The following MTMR3 variants were observed in gnomAD, a reference collection of about 807,000 sequenced individuals.
The protein encoded by MTMR3 is phosphatidylinositol-3,5-bisphosphate 3-phosphatase MTMR3.
MTMR3 carries 32 observed loss-of-function variants against 132.4 expected under a neutral mutation model. That is an observed-to-expected ratio of 0.24 (90% CI 0.18 to 0.32). MTMR3 has a LOEUF of 0.32. Among genes scored for constraint, MTMR3 ranks in the 10% least tolerant of loss-of-function variants. MTMR3 has a pLI of 1.00. For missense variants in MTMR3, 1,216 were observed against 1,489.6 expected (o/e 0.82, Z 3.02); for synonymous variants, 556 against 550.3 (o/e 1.01, Z -0.14).
intron 2 of MTMR3, among the ~76,000 whole-genome samples, chr22:29,965,615 G>T (rs1169316616): frequency 6.6e-6 from 1 of 152,204 alleles, no homozygotes; most frequent in East Asian, 1.9e-4. Context: ...AATCCGGGAG[G>T]CAGAGGTTGC....
chr22:30,022,189 G>T, intron 18 of MTMR3, 50 bp downstream of exon 18: 2 of 1,456,486 alleles, frequency 1.4e-6, no homozygotes, highest in South Asian at 2.3e-5. Context: ...CTGTTTTGTG[G>T]TTCTTCTCCA....
intron 1 of MTMR3, among the ~76,000 whole-genome samples, chr22:29,956,209 A>T (rs2066186583): frequency 6.6e-6 from 1 of 152,152 alleles, no homozygotes; most frequent in Non-Finnish European, 1.5e-5. Context: ...GTCTCTGTAA[A>T]GTTCAGATTG....
chr22:29,965,560 C>T (rs1752317662), intron 2 of MTMR3, among the ~76,000 whole-genome samples: 1 of 152,138 alleles, frequency 6.6e-6, no homozygotes, highest in Non-Finnish European at 1.5e-5. Context: ...TGGCATATGC[C>T]TGTAATCCCA....
chr22:30,019,034 A>C (rs12158102), intron 16 of MTMR3: 3,227 of 155,746 alleles, frequency 0.021, 126 homozygotes, highest in African/African-American at 0.075. Flanking sequence ...TGAAACACCC[A>C]TCTCTACTAA....
intron 1 of MTMR3, among the ~76,000 whole-genome samples, chr22:29,955,582 G>A (rs5752986): frequency 0.8 from 122,036 of 152,102 alleles, 49,699 homozygotes; most frequent in African/African-American, 0.95. Context: ...ATGAGTAGCT[G>A]TTTTCATTGT....
chr22:29,946,480 C>G (rs2065955973), intron 1 of MTMR3, among the ~76,000 whole-genome samples: 1 of 152,168 alleles, frequency 6.6e-6, no homozygotes, highest in Non-Finnish European at 1.5e-5. Context: ...GATCCTGTTG[C>G]ATGTGCACCA....
At chr22:29,912,745 A>G (rs1286114385) in intron 1 of MTMR3, among the ~76,000 whole-genome samples, 1 of 152,222 alleles carries the variant, frequency 6.6e-6, no homozygotes, top group Non-Finnish European at 1.5e-5. Context: ...TAGGAGCTGC[A>G]GAGAATATGA....
intron 1 of MTMR3, among the ~76,000 whole-genome samples, chr22:29,907,787 T>G (rs1293412043): frequency 6.2e-4 from 95 of 152,316 alleles, no homozygotes; most frequent in African/African-American, 2.2e-3. Flanking sequence ...TGTATCTGTA[T>G]CTTTTTTTTT....
At position 29,988,734 on chromosome 22, in the gene MTMR3, A is replaced by G. The variant is rs1481054609; in HGVS notation, c.293+172A>G. On this transcript the variant is annotated intron_variant, in intron 6 of 19. Transcript: ENST00000401950. ...TTATCTGTAGGATGTATACTTTGCT[A>G]TGTTGAAAGATGTTTTTTTTTTTTA... is the stretch of plus-strand genomic sequence containing the variant. 2.2e-5 allele frequency: 8 copies of G among 371,588 alleles called. No homozygotes were observed. The Admixed American group carries it at 2.7e-4, about 13-fold the overall frequency. The allele number at this position is 371,588 out of a possible 1,614,324, so 23.0% of individuals were successfully genotyped here.
chr22:30,019,187 AGT>A (rs1491025886), intron 16 of MTMR3: 1 of 259,668 alleles, frequency 3.9e-6, no homozygotes, highest in African/African-American at 2.3e-5. Context: ...TGGGCGACAG[AGT>A]GAGACTCCGT....
chr22:29,903,229 A>C (rs1298300152), intron 1 of MTMR3, among the ~76,000 whole-genome samples: 3 of 152,130 alleles, frequency 2.0e-5, no homozygotes, highest in Non-Finnish European at 4.4e-5. Context: ...CATCTCAAAA[A>C]AATAAAATAA....
chr22:29,919,423 C>T (rs1158589541), intron 1 of MTMR3, among the ~76,000 whole-genome samples: 1 of 152,172 alleles, frequency 6.6e-6, no homozygotes, highest in Non-Finnish European at 1.5e-5. Context: ...CTTTTCTCAT[C>T]AAAGAGGTTG....
At chr22:29,972,020 G>T (rs1457530836) in intron 3 of MTMR3, among the ~76,000 whole-genome samples, 2 of 152,188 alleles carry the variant, frequency 1.3e-5, no homozygotes, top group Non-Finnish European at 2.9e-5. Context: ...AACTAGTTGT[G>T]CAGAAATGTC....
rs1400992371 is a variant in MTMR3, at chr22:30,029,380, T to G, written c.*3579T>G. 6.6e-6 allele frequency: 1 copy of G among 152,358 alleles called. No homozygotes were observed. Among genetic ancestry groups the G allele is most frequent in the East Asian group, 1.9e-4 (1 of 5,340 alleles). The allele number at this position is 152,358 out of a possible 1,614,324, so 9.4% of individuals were successfully genotyped here. On this transcript the variant is annotated 3_prime_UTR_variant, in exon 20 of 20. Coordinates refer to ENST00000401950, the MANE Select transcript of MTMR3 (RefSeq NM_021090.4). ...GAGGATGTACAGAAAAGTTTTCCTG[T>G]AATAATTTTGCTTATATGCTAACTC...
rs776057188 is a variant in MTMR3, at chr22:30,007,253, A to G, written c.811A>G (p.Lys271Glu). Residue 271 changes from lysine (K) to glutamate (E), a missense_variant, in exon 10 of 20, where the codon AAG (lysine) becomes GAG (glutamate). By Grantham distance (56) the Lys-to-Glu change is moderately conservative (BLOSUM62 1). Coordinates refer to ENST00000401950, the MANE Select transcript of MTMR3 (RefSeq NM_021090.4). Reference protein sequence around the residue: ...CASDSRSSGSKLSTRNTSRDF... With the variant: ...CASDSRSSGSELSTRNTSRDF... ...CTCTGACTCCCGATCGAGTGGCAGC[A>G]AGCTGTCAACTAGGAACACTTCTCG... The G allele has an allele frequency of 1.2e-6, 2 of 1,614,214 alleles. No homozygotes were observed. Among genetic ancestry groups the G allele is most frequent in the Non-Finnish European group, 1.7e-6 (2 of 1,180,028 alleles).
intron 15 of MTMR3, 105 bp downstream of exon 15, chr22:30,016,803 A>G (rs2145964057): frequency 1.5e-6 from 2 of 1,293,004 alleles, no homozygotes; most frequent in Non-Finnish European, 2.1e-6. Context: ...AGACATCTCT[A>G]CTGTCTCTGG....
chr22:30,007,850 T>C (rs774705150), intron 10 of MTMR3, 51 bp from the exon 11 acceptor site: 1 of 1,606,630 alleles, frequency 6.2e-7, no homozygotes, highest in South Asian at 1.1e-5. Flanking sequence ...TTCTGCACAG[T>C]TCTGGGAGAG....
intron 1 of MTMR3, among the ~76,000 whole-genome samples, chr22:29,904,722 T>C (rs2065063019): frequency 6.6e-6 from 1 of 152,168 alleles, no homozygotes; most frequent in African/African-American, 2.4e-5. Flanking sequence ...AGACAATAAA[T>C]GTAAGAAGCA....
At chr22:30,006,978 T>C in intron 9 of MTMR3, 136 bp from the exon 10 acceptor site, 1 of 794,488 alleles carries the variant, frequency 1.3e-6, no homozygotes, top group Non-Finnish European at 2.0e-6. Context: ...CTACCCTCTT[T>C]AATACTGAGA....
Sources: gnomAD v4.1 joint callset for allele counts (sites outside exome capture counted in the v4.1 genomes callset) on GRCh38, gnomAD v4.1.1 for gene constraint, MANE v1.5 for transcripts, NCBI Gene and HGNC (gene_info 2026-07-23, HGNC 2026-07-21) for gene names.